The following CCDC178 variants were observed in gnomAD, a reference collection of about 807,000 sequenced individuals.
CCDC178 encodes coiled-coil domain-containing protein 178.
A neutral mutation model predicts 117.4 loss-of-function variants in CCDC178; 126 were observed. The observed-to-expected ratio is 1.07, with a 90% CI of 0.93 to 1.24. The LOEUF (loss-of-function observed/expected upper bound fraction) is 1.24. Ranked by LOEUF, CCDC178 falls within the 50% of genes most tolerant of loss-of-function variation. The probability of loss-of-function intolerance (pLI) is 0.00; values close to 1 mark genes in which losing one functional copy is unlikely to be tolerated. For missense variants in CCDC178, 1,030 were observed against 986.9 expected (o/e 1.04, Z -0.59); for synonymous variants, 283 against 313.4 (o/e 0.90, Z 1.02).
intron 14 of CCDC178, among the ~76,000 whole-genome samples, chr18:33,265,716 C>T (rs1246921843): frequency 6.6e-6 from 1 of 151,674 alleles, no homozygotes; most frequent in African/African-American, 2.4e-5. Flanking sequence ...TCCTTTCACC[C>T]CTGTTAAAAT....
intron 20 of CCDC178, among the ~76,000 whole-genome samples, chr18:33,104,629 C>T (rs1458047599): frequency 2.0e-5 from 3 of 151,688 alleles, no homozygotes; most frequent in Non-Finnish European, 3.0e-5. Context: ...CGTCAAAAAA[C>T]TAAAAATCTC....
At chr18:33,052,118 A>C (rs1374248283) in intron 21 of CCDC178, among the ~76,000 whole-genome samples, 1 of 152,148 alleles carries the variant, frequency 6.6e-6, no homozygotes, top group Non-Finnish European at 1.5e-5. Flanking sequence ...TTATCCTCAA[A>C]TTTAATTTTT....
intron 14 of CCDC178, among the ~76,000 whole-genome samples, chr18:33,258,261 C>T (rs1341942068): frequency 6.6e-6 from 1 of 152,036 alleles, no homozygotes; most frequent in Non-Finnish European, 1.5e-5. Flanking sequence ...TCTGCCTTAC[C>T]AACATTTGTC....
At chr18:33,051,435 G>A (rs1004028389) in intron 21 of CCDC178, among the ~76,000 whole-genome samples, 1 of 152,154 alleles carries the variant, frequency 6.6e-6, no homozygotes, top group Non-Finnish European at 1.5e-5. Context: ...GAAAAATAAA[G>A]CCACTTGTGA....
At chr18:33,419,259 C>T (rs943896975) in intron 2 of CCDC178, among the ~76,000 whole-genome samples, 1 of 151,870 alleles carries the variant, frequency 6.6e-6, no homozygotes, top group African/African-American at 2.4e-5. Flanking sequence ...GAAACTGGAC[C>T]CCGTCCCTAC....
chr18:33,339,673 C>T (rs992805638), intron 9 of CCDC178, among the ~76,000 whole-genome samples: 3 of 151,722 alleles, frequency 2.0e-5, no homozygotes, highest in South Asian at 4.2e-4. Flanking sequence ...TCGGCAGTGG[C>T]GGGGGGTGTC....
chr18:33,288,322 C>T (rs566556004), intron 12 of CCDC178, among the ~76,000 whole-genome samples: 2 of 112,570 alleles, frequency 1.8e-5, no homozygotes, highest in African/African-American at 7.1e-5. Flanking sequence ...CCTCTCCCCT[C>T]CTCTTCCCTC....
At chr18:33,420,409 A>T (rs910017895) in intron 2 of CCDC178, among the ~76,000 whole-genome samples, 1 of 152,148 alleles carries the variant, frequency 6.6e-6, no homozygotes, top group Non-Finnish European at 1.5e-5. Context: ...GCTGGAGTGC[A>T]GTGGCATGAT....
At chr18:33,050,191 G>A (rs1311232646) in intron 21 of CCDC178, among the ~76,000 whole-genome samples, 1 of 152,094 alleles carries the variant, frequency 6.6e-6, no homozygotes, top group Non-Finnish European at 1.5e-5. Flanking sequence ...TCAAGCCTCT[G>A]TGGGAACATT....
chr18:33,211,808 C>T (rs574540402), intron 20 of CCDC178, 88 bp downstream of exon 20: 3 of 1,077,870 alleles, frequency 2.8e-6, no homozygotes, highest in East Asian at 5.1e-5. Context: ...ACCCTTGCTA[C>T]TTCAGGATAA....
At chr18:32,974,449 T>C (rs1328132180) in intron 22 of CCDC178, 98 bp downstream of exon 22, 1 of 1,157,068 alleles carries the variant, frequency 8.6e-7, no homozygotes, top group African/African-American at 1.5e-5. Context: ...TTTATAAAAC[T>C]CTGATGGGAT....
intron 2 of CCDC178, among the ~76,000 whole-genome samples, chr18:33,438,189 C>G (rs964913745): frequency 6.6e-6 from 1 of 152,108 alleles, no homozygotes; most frequent in African/African-American, 2.4e-5. Context: ...ATTATTGCCC[C>G]TGGTTCCAAC....
chr18:33,000,664 G>C (rs2055611983), intron 21 of CCDC178, among the ~76,000 whole-genome samples: 1 of 152,136 alleles, frequency 6.6e-6, no homozygotes, highest in Admixed American at 6.5e-5. Context: ...TACAAGCCAG[G>C]TGACATATTT....
chr18:33,286,145 T>C (rs1291480960), intron 12 of CCDC178, among the ~76,000 whole-genome samples: 1 of 150,930 alleles, frequency 6.6e-6, no homozygotes, highest in Non-Finnish European at 1.5e-5. Context: ...GGCTAATTTT[T>C]GTATATTTTA....
chr18:33,326,934 GC>G, intron 10 of CCDC178, among the ~76,000 whole-genome samples: 1 of 152,098 alleles, frequency 6.6e-6, no homozygotes, highest in Middle Eastern at 3.4e-3. Context: ...TAATGCAGCA[GC>G]ATTTACTAAA....
intron 21 of CCDC178, among the ~76,000 whole-genome samples, chr18:33,063,809 C>T (rs902470805): frequency 4.6e-5 from 7 of 152,208 alleles, no homozygotes; most frequent in African/African-American, 1.7e-4. Context: ...CCCACCACCA[C>T]CACCACTTGT....
intron 12 of CCDC178, among the ~76,000 whole-genome samples, chr18:33,279,455 A>G (rs369236386): frequency 7.4e-5 from 11 of 148,704 alleles, no homozygotes; most frequent in South Asian, 2.1e-4. Flanking sequence ...ATAAAAGAGG[A>G]TACAAACAAA....
chr18:33,126,367 G>A (rs1279509213), intron 20 of CCDC178, among the ~76,000 whole-genome samples: 1 of 148,446 alleles, frequency 6.7e-6, no homozygotes, highest in Admixed American at 6.8e-5. Flanking sequence ...ATTAGTATAT[G>A]TATGTATGTG....
intron 5 of CCDC178, among the ~76,000 whole-genome samples, chr18:33,385,614 G>A (rs770074546): frequency 5.3e-5 from 8 of 152,034 alleles, no homozygotes; most frequent in African/African-American, 7.2e-5. Context: ...GAATGACTCC[G>A]GAGTAAATAA....
Sources: allele counts gnomAD v4.1 joint callset (sites outside exome capture counted in the v4.1 genomes callset), GRCh38; gene constraint gnomAD v4.1.1; transcripts MANE v1.5; gene names NCBI Gene and HGNC (gene_info 2026-07-23, HGNC 2026-07-21).